PRR16: variants seen among roughly 807,000 people sequenced by gnomAD.
PRR16 encodes the protein proline rich 16.
PRR16 carries 6 observed loss-of-function variants against 18.2 expected under a neutral mutation model. That is an observed-to-expected ratio of 0.33 (90% CI 0.18 to 0.65). The LOEUF (loss-of-function observed/expected upper bound fraction) is 0.65. PRR16 is among the 30% of genes least tolerant of loss of function. PRR16 has a pLI of 0.74. For missense variants in PRR16, 412 were observed against 376.6 expected (o/e 1.09, Z -0.78); for synonymous variants, 151 against 147.8 (o/e 1.02, Z -0.16).
the PRR16 span, among the ~76,000 whole-genome samples, chr5:120,789,163 A>G: frequency 6.6e-6 from 1 of 152,050 alleles, no homozygotes; most frequent in Non-Finnish European, 1.5e-5. Flanking sequence ...TAACTTATAA[A>G]TCAATTAATC....
chr5:120,479,540 A>G (rs940380198), intron 1 of PRR16, among the ~76,000 whole-genome samples: 1 of 152,190 alleles, frequency 6.6e-6, no homozygotes, highest in Non-Finnish European at 1.5e-5. Context: ...ATATATTAAA[A>G]TGTTATTTAA....
the PRR16 span, among the ~76,000 whole-genome samples, chr5:120,789,605 A>G: frequency 1.3e-5 from 2 of 152,142 alleles, no homozygotes; most frequent in Non-Finnish European, 2.9e-5. Context: ...ATCTACCTCA[A>G]TGGAAAAGCA....
At chr5:120,791,658 C>CTATCT in the PRR16 span, among the ~76,000 whole-genome samples, 1 of 150,612 alleles carries the variant, frequency 6.6e-6, no homozygotes, top group Non-Finnish European at 1.5e-5. Context: ...ATCTATCTAT[C>CTATCT]ATCTATCTAT....
intron 1 of PRR16, among the ~76,000 whole-genome samples, chr5:120,579,333 A>G (rs1753185871): frequency 6.6e-6 from 1 of 152,112 alleles, no homozygotes. Context: ...GCCCATGCCT[A>G]TGTCCTAAAT....
the PRR16 span, among the ~76,000 whole-genome samples, chr5:120,732,668 G>A: frequency 1.3e-5 from 2 of 152,268 alleles, no homozygotes. Flanking sequence ...TATACTGCCT[G>A]ATAGTAAAGA....
intron 1 of PRR16, among the ~76,000 whole-genome samples, chr5:120,515,105 G>T (rs1259937069): frequency 6.6e-6 from 1 of 152,190 alleles, no homozygotes; most frequent in Non-Finnish European, 1.5e-5. Flanking sequence ...CCAAGATCAA[G>T]TGCTGCATCT....
chr5:120,777,113 A>C, the PRR16 span, among the ~76,000 whole-genome samples: 1 of 152,058 alleles, frequency 6.6e-6, no homozygotes, highest in East Asian at 1.9e-4. Context: ...ATGAGAAATT[A>C]GTGGAGGTTA....
intron 1 of PRR16, among the ~76,000 whole-genome samples, chr5:120,622,870 G>C (rs1033970853): frequency 2.0e-5 from 3 of 152,002 alleles, no homozygotes; most frequent in Non-Finnish European, 4.4e-5. Context: ...AAGACTATGT[G>C]TCAAAAAGGA....
the PRR16 span, among the ~76,000 whole-genome samples, chr5:120,742,446 T>C: frequency 1.3e-5 from 2 of 151,792 alleles, no homozygotes. Flanking sequence ...CTTCATTATG[T>C]ATTTTTTAAT....
At chr5:120,586,396 T>C (rs1216867958) in intron 1 of PRR16, among the ~76,000 whole-genome samples, 3 of 152,308 alleles carry the variant, frequency 2.0e-5, no homozygotes, top group East Asian at 1.9e-4. Flanking sequence ...CTCATTTTAT[T>C]ACGATTCACT....
chr5:120,756,418 G>T, the PRR16 span, among the ~76,000 whole-genome samples: 1 of 152,124 alleles, frequency 6.6e-6, no homozygotes, highest in Non-Finnish European at 1.5e-5. Flanking sequence ...TCTACCAGAA[G>T]TATGTAAGCA....
intron 1 of PRR16, among the ~76,000 whole-genome samples, chr5:120,609,749 T>A (rs1319126989): frequency 6.6e-6 from 1 of 152,204 alleles, no homozygotes; most frequent in Non-Finnish European, 1.5e-5. Context: ...AAACATGTCA[T>A]TTTTACTGTC....
At chr5:120,509,758 A>G (rs1305952393) in intron 1 of PRR16, among the ~76,000 whole-genome samples, 1 of 152,188 alleles carries the variant, frequency 6.6e-6, no homozygotes, top group African/African-American at 2.4e-5. Flanking sequence ...TCGTCAGGTG[A>G]ATATCAAGGC....
intron 1 of PRR16, among the ~76,000 whole-genome samples, chr5:120,622,477 A>ATATT (rs1005038113): frequency 6.6e-6 from 1 of 150,408 alleles, no homozygotes; most frequent in Admixed American, 6.6e-5. Flanking sequence ...TATTTATTTT[A>ATATT]TATTTATTTA....
chr5:120,729,917 A>C, the PRR16 span, among the ~76,000 whole-genome samples: 1 of 152,110 alleles, frequency 6.6e-6, no homozygotes, highest in Non-Finnish European at 1.5e-5. Flanking sequence ...GTGGCTTTCA[A>C]TCTTTGCTCT....
the PRR16 span, among the ~76,000 whole-genome samples, chr5:120,769,075 T>C: frequency 2.2e-5 from 3 of 134,486 alleles, no homozygotes; most frequent in African/African-American, 7.7e-5. Flanking sequence ...AGATACCTCA[T>C]GTCTTCATGC....
At chr5:120,675,697 AC>A (rs1756771492) in intron 1 of PRR16, among the ~76,000 whole-genome samples, 1 of 152,124 alleles carries the variant, frequency 6.6e-6, no homozygotes. Flanking sequence ...TCTCATTTAA[AC>A]TAGAAACTTA....
At chr5:120,582,822 T>G (rs1490476191) in intron 1 of PRR16, among the ~76,000 whole-genome samples, 2 of 151,180 alleles carry the variant, frequency 1.3e-5, no homozygotes, top group Non-Finnish European at 2.9e-5. Flanking sequence ...TAAATTGGTA[T>G]TTCCAAGGCT....
the PRR16 span, among the ~76,000 whole-genome samples, chr5:120,763,920 T>G: frequency 6.6e-6 from 1 of 151,626 alleles, no homozygotes; most frequent in Non-Finnish European, 1.5e-5. Flanking sequence ...ATCCTGAGAC[T>G]TTACTGAATT....
Sources: allele counts gnomAD v4.1 joint callset (sites outside exome capture counted in the v4.1 genomes callset), GRCh38; gene constraint gnomAD v4.1.1; transcripts MANE v1.5; gene names NCBI Gene and HGNC (gene_info 2026-07-23, HGNC 2026-07-21).